SCARB1: variants seen among roughly 807,000 people sequenced by gnomAD.
The protein encoded by SCARB1 is CD36 and LIMPII analogous 1.
Under a neutral mutation model 57.2 loss-of-function variants are expected in SCARB1, and 30 were observed. The observed-to-expected ratio is 0.52, with a 90% CI of 0.39 to 0.71. The LOEUF is 0.71. SCARB1 is among the 30% of genes least tolerant of loss of function. The pLI is 0.00. For missense variants in SCARB1, 543 were observed against 671.2 expected (o/e 0.81, Z 2.11); for synonymous variants, 249 against 268.3 (o/e 0.93, Z 0.70).
intron 1 of SCARB1, among the ~76,000 whole-genome samples, chr12:124,840,252 C>A (rs61941676): frequency 0.086 from 13,138 of 152,018 alleles, 733 homozygotes; most frequent in Non-Finnish European, 0.13. Flanking sequence ...TGGCTCACTG[C>A]AACCTCTACC....
chr12:124,811,076 G>A (rs1950507986), intron 5 of SCARB1, among the ~76,000 whole-genome samples: 1 of 152,202 alleles, frequency 6.6e-6, no homozygotes, highest in African/African-American at 2.4e-5. Flanking sequence ...AATGCACGTA[G>A]TATGATTTCA....
chr12:124,841,633 A>G (rs1951916244), intron 1 of SCARB1, among the ~76,000 whole-genome samples: 1 of 151,348 alleles, frequency 6.6e-6, no homozygotes, highest in South Asian at 2.1e-4. Flanking sequence ...ACTTCTCCCA[A>G]CCCCACTGGC....
rs1329209756 is a variant in SCARB1, at chr12:124,814,138, G to A, written c.630+64C>T. On this transcript the variant is annotated intron_variant, in intron 4 of 12. Coordinates refer to ENST00000261693, the MANE Select transcript of SCARB1 (RefSeq NM_005505.5). This position sits in a 1 kb window ranked among gnomAD's most constrained non-coding sequence, Gnocchi z 4.7. ...AAAGCAAGCTGGTGACCAGTGTCCA[G>A]GCTGTGTGAGGGGAAGACAGGACAC... 2 of 1,479,348 alleles carry A rather than the reference G, an allele frequency of 1.4e-6. No homozygotes were observed. The highest frequency in any genetic ancestry group is 1.7e-5 in the Admixed American group (1 of 59,846). 91.6% of individuals were successfully genotyped at this position (1,479,348 alleles called of 1,614,324 possible).
At chr12:124,799,497 A>G (rs1019284136) in intron 8 of SCARB1, among the ~76,000 whole-genome samples, 2 of 152,198 alleles carry the variant, frequency 1.3e-5, no homozygotes, top group Non-Finnish European at 2.9e-5. Flanking sequence ...ACTGCACCCC[A>G]GCCTGGGCAA....
At chr12:124,809,022 G>C (rs1241980804) in intron 6 of SCARB1, among the ~76,000 whole-genome samples, 1 of 152,178 alleles carries the variant, frequency 6.6e-6, no homozygotes, top group East Asian at 1.9e-4. Flanking sequence ...TGCCAGCTTA[G>C]ATAACAGTAT....
chr12:124,839,366 C>T (rs530209898), intron 1 of SCARB1: 8 of 438,632 alleles, frequency 1.8e-5, no homozygotes, highest in South Asian at 8.0e-5. Flanking sequence ...CCGTGCATGT[C>T]GCAGCGTGCG....
chr12:124,792,865 G>A lies in SCARB1; in HGVS notation c.1202+2330C>T, dbSNP rs1175858679. On this transcript the variant is annotated intron_variant, in intron 9 of 12. Transcript: ENST00000261693. The stretch of plus-strand genomic sequence containing the variant: ...CACACTGAGCCCGCATTTCCATGGG[G>A]CTACAGTCAGCTGGTGCTGGGAAGG... 5.9e-5 allele frequency among the ~76,000 whole-genome samples: 9 copies of A among 152,166 alleles called. 1 individual carries two copies. Among genetic ancestry groups the A allele is most frequent in the Admixed American group, 5.9e-4 (9 of 15,276 alleles).
chr12:124,863,651 G>A lies in SCARB1; in HGVS notation c.70C>T (p.Leu24=). The A allele has an allele frequency of 1.3e-6, 2 of 1,590,156 alleles. No individual in the cohort carries two copies. Among genetic ancestry groups the A allele is most frequent in the East Asian group, 2.3e-5 (1 of 43,066 alleles). Residue 24 remains leucine, a synonymous_variant, in exon 1 of 13, where the codon CTG becomes TTG. Coordinates refer to ENST00000261693, the MANE Select transcript of SCARB1 (RefSeq NM_005505.5). ...LGVAGLLCAV[L]GAVMIVMVPS... is the part of the protein sequence containing the mutation. ...ACCATCACGATCATGACAGCGCCCA[G>A]CACAGCGCACAGTAGCCCCGCGACG...
chr12:124,792,721 C>CAAAA (rs930596389), intron 9 of SCARB1, among the ~76,000 whole-genome samples: 87 of 30,900 alleles, frequency 2.8e-3, no homozygotes, highest in Non-Finnish European at 4.1e-3. Flanking sequence ...GACTTCGTCT[C>CAAAA]AAAAAAAAAA....
Position 124,822,372 on chromosome 12 carries a change from C to T in SCARB1, c.127-4665G>A, listed in dbSNP as rs1204995443. 2.6e-5 allele frequency among the ~76,000 whole-genome samples: 4 copies of T among 152,178 alleles called. No homozygotes were observed. Among genetic ancestry groups the T allele is most frequent in the Admixed American group, 6.5e-5 (1 of 15,278 alleles). ...CCAACCATGGATGAACACCACAACA[C>T]AGGTGAGCCTCAGAAGCACTACCCC... On this transcript the variant is annotated intron_variant, in intron 1 of 12. Transcript: ENST00000261693. The surrounding 1 kb of genome is among the most constrained non-coding windows in gnomAD (Gnocchi z 5.0).
chr12:124,845,233 C>T (rs1213456226), intron 1 of SCARB1, among the ~76,000 whole-genome samples: 1 of 152,202 alleles, frequency 6.6e-6, no homozygotes, highest in Non-Finnish European at 1.5e-5. Flanking sequence ...CGCCCATCCA[C>T]AGAGGCGCGG....
chr12:124,842,939 C>T (rs751873484), intron 1 of SCARB1, among the ~76,000 whole-genome samples: 1 of 152,174 alleles, frequency 6.6e-6, no homozygotes, highest in Non-Finnish European at 1.5e-5. Context: ...CCTTGTGGGA[C>T]GTGTGCCACG....
In SCARB1 at chr12:124,789,868, G is replaced by C. The variant is rs776481911; in HGVS notation, c.1203-2411C>G. Reference sequence around the variant, plus strand: ...TCTACTAAAAATATAAAAATTGGCCGGACGTGGTGGCACATGCCTGTAATC... The same window carrying C: ...TCTACTAAAAATATAAAAATTGGCCCGACGTGGTGGCACATGCCTGTAATC... On this transcript the variant is annotated intron_variant, in intron 9 of 12. Coordinates refer to ENST00000261693, the MANE Select transcript of SCARB1 (RefSeq NM_005505.5). The surrounding 1 kb of genome is among the most constrained non-coding windows in gnomAD (Gnocchi z 4.4). 8.6e-5 allele frequency among the ~76,000 whole-genome samples: 13 copies of C among 151,954 alleles called. No individual in the cohort carries two copies. Among genetic ancestry groups the C allele is most frequent in the Admixed American group, 3.9e-4 (6 of 15,250 alleles).
chr12:124,832,005 C>G (rs1951415734), intron 1 of SCARB1, among the ~76,000 whole-genome samples: 1 of 152,062 alleles, frequency 6.6e-6, no homozygotes, highest in African/African-American at 2.4e-5. Flanking sequence ...GGGACAAACG[C>G]AATGTGGGGC....
chr12:124,845,084 G>A (rs937184360), intron 1 of SCARB1, among the ~76,000 whole-genome samples: 10 of 151,996 alleles, frequency 6.6e-5, no homozygotes, highest in Non-Finnish European at 1.3e-4. Flanking sequence ...GAGGATGGGC[G>A]CAGGGGCAGG....
chr12:124,854,292 TG>T (rs1566261700), intron 1 of SCARB1, among the ~76,000 whole-genome samples: 1 of 152,026 alleles, frequency 6.6e-6, no homozygotes, highest in Non-Finnish European at 1.5e-5. Context: ...ATTGGGCCCA[TG>T]GGGCTGAGGA....
At chr12:124,856,176 A>G (rs1460432918) in intron 1 of SCARB1, among the ~76,000 whole-genome samples, 2 of 152,244 alleles carry the variant, frequency 1.3e-5, no homozygotes, top group Non-Finnish European at 2.9e-5. Context: ...GTATGTGCAG[A>G]CACATCAACA....
In SCARB1 at chr12:124,814,169, T is replaced by C; in HGVS notation, c.630+33A>G. ...GTGAGGGGAAGACAGGACACAGGCC[T>C]GAATCTTTGGCTTCTCACCAGGCCA... On this transcript the variant is annotated intron_variant, in intron 4 of 12. Transcript: ENST00000261693. This position sits in a 1 kb window ranked among gnomAD's most constrained non-coding sequence, Gnocchi z 4.7. 2 of 1,600,826 alleles carry C rather than the reference T, an allele frequency of 1.2e-6. No individual in the cohort carries two copies. Among genetic ancestry groups the C allele is most frequent in the Non-Finnish European group, 1.7e-6 (2 of 1,168,058 alleles).
chr12:124,836,721 G>A (rs909311419), intron 1 of SCARB1, among the ~76,000 whole-genome samples: 1 of 152,204 alleles, frequency 6.6e-6, no homozygotes, highest in African/African-American at 2.4e-5. Flanking sequence ...TTGAGCCCAG[G>A]AGATAGAGGC....
Sources: allele counts gnomAD v4.1 joint callset (sites outside exome capture counted in the v4.1 genomes callset), GRCh38; gene constraint gnomAD v4.1.1; non-coding constraint Gnocchi (gnomAD v3.1); transcripts MANE v1.5; gene names NCBI Gene and HGNC (gene_info 2026-07-23, HGNC 2026-07-21).